The following TIMM10B variants were observed in gnomAD, a reference collection of about 807,000 sequenced individuals.
TIMM10B encodes the protein mitochondrial import inner membrane translocase subunit Tim10 B.
Under a neutral mutation model 12.6 loss-of-function variants are expected in TIMM10B, and 17 were observed. That is an observed-to-expected ratio of 1.35 (90% confidence interval 0.92 to 2.03). TIMM10B has a LOEUF of 2.03. Among genes scored for constraint, TIMM10B ranks in the 30% most tolerant of loss-of-function variants. The pLI is 0.00. For synonymous variants in TIMM10B, 63 were observed against 51.3 expected (o/e 1.23, Z -0.97); for missense variants, 165 against 133.3 (o/e 1.24, Z -1.17).
rs958394682 is a variant in TIMM10B, at chr11:6,484,124, T to A, written c.*1903T>A. 2 of 151,990 alleles carry A rather than the reference T, an allele frequency of 1.3e-5. No homozygotes were observed. The highest frequency in any genetic ancestry group is 4.8e-5 in the African/African-American group (2 of 41,350). The allele number at this position is 151,990 out of a possible 1,614,324, so 9.4% of individuals were successfully genotyped here. A position where few individuals can be genotyped will look rare whatever the true frequency, so the allele number is the denominator to read the frequency against. Reference sequence around the variant, plus strand: ...TTTTTTTTGAGACAGAGTCTCGCTCTGTCACCCAGGCTGGAGTGCAGTGGA... The same window carrying A: ...TTTTTTTTGAGACAGAGTCTCGCTCAGTCACCCAGGCTGGAGTGCAGTGGA... On this transcript the variant is annotated 3_prime_UTR_variant, in exon 3 of 3. Transcript: ENST00000254616.
At position 6,481,625 on chromosome 11, in the gene TIMM10B, C is replaced by T. The variant is rs1048151424; in HGVS notation, c.39+70C>T. 2.6e-5 allele frequency: 41 copies of T among 1,573,392 alleles called. No individual in the cohort carries two copies. The African/African-American group carries it at 5.6e-4, about 21-fold the overall frequency. On this transcript the variant is annotated intron_variant, in intron 1 of 2. Transcript: ENST00000254616. ...ATTCCTGCACACATCGCGGGAACCC[C>T]ACAGGGCCAGGGATTTGAGGGCTGG...
At position 6,482,229 on chromosome 11, in the gene TIMM10B, C is replaced by T. The variant is rs1390635650; in HGVS notation, c.*8C>T. ...TCTCCATCAGGCAGCTAGCCATACC[C>T]AACCCCAGGAAGGAAGGCCTTGGAT... is the stretch of plus-strand genomic sequence containing the variant. On this transcript the variant is annotated 3_prime_UTR_variant, in exon 3 of 3. Coordinates refer to ENST00000254616, the MANE Select transcript of TIMM10B (RefSeq NM_012192.4). 2 of 1,596,406 alleles carry T rather than the reference C, an allele frequency of 1.3e-6. No homozygotes were observed. The highest frequency in any genetic ancestry group is 1.7e-6 in the Non-Finnish European group (2 of 1,172,446).
Position 6,481,999 on chromosome 11 carries a change from C to T in TIMM10B, c.136-46C>T, listed in dbSNP as rs755133500. 3 of 1,596,666 alleles carry T rather than the reference C, an allele frequency of 1.9e-6. No individual in the cohort carries two copies. The South Asian group carries it at 3.3e-5, about 18-fold the overall frequency. ...GCATGGGGAAGAAAGGAGGCGGACC[C>T]GACAGGGCACCTTTATCCTCCACTT... On this transcript the variant is annotated intron_variant, in intron 2 of 2. Transcript: ENST00000254616.
In TIMM10B at chr11:6,482,031, T is replaced by C; in HGVS notation, c.136-14T>C. 1.2e-6 allele frequency: 2 copies of C among 1,608,818 alleles called. No individual in the cohort carries two copies. The highest frequency in any genetic ancestry group is 2.2e-5 in the East Asian group (1 of 44,726). On this transcript the variant is annotated splice_polypyrimidine_tract_variant and intron_variant, in intron 2 of 2. Transcript: ENST00000254616. ...GCACCTTTATCCTCCACTTAAACCC[T>C]ATCTTCCTTCTAGGAGGCCTGTCTG...
intron 2 of TIMM10B, 70 bp downstream of exon 2, chr11:6,481,922 A>G (rs1851802008): frequency 6.2e-7 from 1 of 1,603,250 alleles, no homozygotes; most frequent in Non-Finnish European, 8.5e-7. Flanking sequence ...TCCTCACCCC[A>G]CTTCCCGTAC....
In TIMM10B at chr11:6,482,198, G is replaced by C. The variant is rs760792844; in HGVS notation, c.289G>C (p.Gly97Arg). ...GCCAGGCGTTGCTGCTGAACAGCCT[G>C]GGGTCTCTCCATCAGGCAGCTAGCC... ...AVPGVAAEQPGVSPSGS is the reference protein window; with the variant it reads ...AVPGVAAEQPRVSPSGS The change falls in exon 3 of 3, where the codon GGG (glycine) becomes CGG (arginine). Residue 97 changes from glycine (G) to arginine (R), a missense_variant. Transcript: ENST00000254616. The C allele has an allele frequency of 3.1e-6, 5 of 1,608,338 alleles. No individual in the cohort carries two copies. In the African/African-American group the frequency reaches 6.7e-5, roughly 21 times the overall value.
At chr11:6,482,000 G>A (rs1851807661) in intron 2 of TIMM10B, 45 bp from the exon 3 acceptor site, 2 of 1,597,198 alleles carry the variant, frequency 1.3e-6, no homozygotes, top group Non-Finnish European at 1.7e-6. Flanking sequence ...AGGCGGACCC[G>A]ACAGGGCACC....
At position 6,484,276 on chromosome 11, in the gene TIMM10B, T is replaced by C; in HGVS notation, c.*2055T>C. On this transcript the variant is annotated 3_prime_UTR_variant, in exon 3 of 3. Coordinates refer to ENST00000254616, the MANE Select transcript of TIMM10B (RefSeq NM_012192.4). ...GCTAATTTTGTTTTTGTATTTTAAG[T>C]AGAGACGGGGTTTCACTGTATTGGT... 6.6e-6 allele frequency: 1 copy of C among 152,252 alleles called. No individual in the cohort carries two copies. The allele number at this position is 152,252 out of a possible 1,614,324, so 9.4% of individuals were successfully genotyped here. A position where few individuals can be genotyped will look rare whatever the true frequency, so the allele number is the denominator to read the frequency against.
intron 1 of TIMM10B, 65 bp from the exon 2 acceptor site, chr11:6,481,692 G>C (rs968929574): frequency 8.1e-6 from 13 of 1,606,336 alleles, no homozygotes; most frequent in Non-Finnish European, 1.1e-5. Flanking sequence ...AACTTTGGGC[G>C]GCGCGACCTT....
Position 6,482,166 on chromosome 11 carries a change from C to T in TIMM10B, c.257C>T (p.Ser86Leu), listed in dbSNP as rs1851819339. ...CGCATCGCAGACTACGAGGCTGCCT[C>T]GGCTGTGCCAGGCGTTGCTGCTGAA... is the stretch of plus-strand genomic sequence containing the variant. The part of the protein sequence containing the change: ...QRRIADYEAA[S>L]AVPGVAAEQP... The change falls in exon 3 of 3, where the codon TCG (serine) becomes TTG (leucine). Residue 86 changes from serine to leucine, a missense_variant. Ser to Leu is a moderately radical substitution (Grantham distance 145). Transcript: ENST00000254616. 3 of 1,611,450 alleles carry T rather than the reference C, an allele frequency of 1.9e-6. No individual in the cohort carries two copies. The highest frequency in any genetic ancestry group is 2.2e-5 in the South Asian group (2 of 91,088).
intron 1 of TIMM10B, 32 bp downstream of exon 1, chr11:6,481,587 A>T: frequency 1.3e-6 from 2 of 1,587,690 alleles, no homozygotes; most frequent in South Asian, 2.3e-5. Context: ...TCGAGGCCAG[A>T]CGTTCAGCTC....
chr11:6,482,472 A>G lies in TIMM10B; in HGVS notation c.*251A>G, dbSNP rs1049035497. 1 of 448,360 alleles carries G rather than the reference A, an allele frequency of 2.2e-6. No homozygotes were observed. Among genetic ancestry groups the G allele is most frequent in the Non-Finnish European group, 4.1e-6 (1 of 246,670 alleles). The allele number at this position is 448,360 out of a possible 1,614,324, so 27.8% of individuals were successfully genotyped here. A position where few individuals can be genotyped will look rare whatever the true frequency, so the allele number is the denominator to read the frequency against. On this transcript the variant is annotated 3_prime_UTR_variant, in exon 3 of 3. Transcript: ENST00000254616. ...CGTTTAGTGCATATCTGCTGGCTTC[A>G]GCCCTGGCAGCTGAGAAATTGTTTT...
rs1474811741 is a variant in TIMM10B at position 6,482,037 on chromosome 11, C to G, written c.136-8C>G. On this transcript the variant is annotated splice_region_variant and splice_polypyrimidine_tract_variant and intron_variant, in intron 2 of 2. Transcript: ENST00000254616. ...TTATCCTCCACTTAAACCCTATCTT[C>G]CTTCTAGGAGGCCTGTCTGCACAGC... The G allele has an allele frequency of 1.2e-6, 2 of 1,609,512 alleles. No individual in the cohort carries two copies. Among genetic ancestry groups the G allele is most frequent in the Non-Finnish European group, 1.7e-6 (2 of 1,176,750 alleles).
Position 6,482,116 on chromosome 11 carries a change from G to C in TIMM10B, c.207G>C (p.Gln69His). 1 of 1,613,770 alleles carries C rather than the reference G, an allele frequency of 6.2e-7. No individual in the cohort carries two copies. The highest frequency in any genetic ancestry group is 1.1e-5 in the South Asian group (1 of 91,074). The change falls in exon 3 of 3, where the codon CAG becomes CAC. Residue 69 changes from glutamine (Q) to histidine (H), a missense_variant. Transcript: ENST00000254616. ...ACCGCCTCATGGCCGCTTACGTGCA[G>C]CTCATGCCTGCCCTGGTACAGCGCC... ...SNHRLMAAYV[Q>H]LMPALVQRRI...
chr11:6,482,555 G>T lies in TIMM10B; in HGVS notation c.*334G>T. On this transcript the variant is annotated 3_prime_UTR_variant, in exon 3 of 3. Transcript: ENST00000254616. ...GGCATCTGGTTAAAGCAGGGTCTGT[G>T]TGTACAATTTTAAAACGGGTAATAT... 1 of 268,948 alleles carries T rather than the reference G, an allele frequency of 3.7e-6. No homozygotes were observed. Among genetic ancestry groups the T allele is most frequent in the Non-Finnish European group, 7.3e-6 (1 of 136,854 alleles). The allele number at this position is 268,948 out of a possible 1,614,324, so 16.7% of individuals were successfully genotyped here. A position where few individuals can be genotyped will look rare whatever the true frequency, so the allele number is the denominator to read the frequency against.
At chr11:6,481,596 T>C in intron 1 of TIMM10B, 41 bp downstream of exon 1, 2 of 1,582,800 alleles carry the variant, frequency 1.3e-6, no homozygotes, top group Non-Finnish European at 1.7e-6. Context: ...GACGTTCAGC[T>C]CGCATTCCTG....
rs1395697046 is a variant in TIMM10B, at chr11:6,482,236, AG to A, written c.*17del. On this transcript the variant is annotated 3_prime_UTR_variant, in exon 3 of 3. Transcript: ENST00000254616. The stretch of plus-strand genomic sequence containing the variant: ...CAGGCAGCTAGCCATACCCAACCCC[AG>A]GAAGGAAGGCCTTGGATGGACCCTC... 6.3e-7 allele frequency: 1 copy of A among 1,592,868 alleles called. No individual in the cohort carries two copies. The highest frequency in any genetic ancestry group is 8.5e-7 in the Non-Finnish European group (1 of 1,170,366).
intron 2 of TIMM10B, 94 bp from the exon 3 acceptor site, chr11:6,481,951 C>G: frequency 6.3e-7 from 1 of 1,598,926 alleles, no homozygotes; most frequent in Non-Finnish European, 8.5e-7. Flanking sequence ...CTGGCCTTCC[C>G]ACGACCCTCA....
At position 6,482,323 on chromosome 11, in the gene TIMM10B, T is replaced by A; in HGVS notation, c.*102T>A. On this transcript the variant is annotated 3_prime_UTR_variant, in exon 3 of 3. Coordinates refer to ENST00000254616, the MANE Select transcript of TIMM10B (RefSeq NM_012192.4). The stretch of plus-strand genomic sequence containing the variant: ...ATCCTAAACAGAGAGAATTCGAGGT[T>A]GCCTGAAAGCTGGGTGTCCTTGCTC... 8.5e-7 allele frequency: 1 copy of A among 1,180,052 alleles called. No individual in the cohort carries two copies. Among genetic ancestry groups the A allele is most frequent in the South Asian group, 1.5e-5 (1 of 65,304 alleles). The allele number at this position is 1,180,052 out of a possible 1,614,324, so 73.1% of individuals were successfully genotyped here.
Sources: allele counts gnomAD v4.1 joint callset, GRCh38; gene constraint gnomAD v4.1.1; transcripts MANE v1.5; gene names NCBI Gene and HGNC (gene_info 2026-07-23, HGNC 2026-07-21).